The following SLC44A1 variants were observed in gnomAD, a reference collection of about 807,000 sequenced individuals.
SLC44A1 encodes the protein solute carrier family 44 member 1.
In SLC44A1, 26 loss-of-function variants were observed where a neutral mutation model predicts 79.3. The ratio of observed to expected loss-of-function variants is 0.33; its 90% CI spans 0.24 to 0.46. The LOEUF (loss-of-function observed/expected upper bound fraction) is 0.46, where lower values mean the gene tolerates loss of function less well. SLC44A1 is among the 20% of genes least tolerant of loss of function. The probability of loss-of-function intolerance (pLI) is 1.00; values close to 1 mark genes in which losing one functional copy is unlikely to be tolerated. For missense variants in SLC44A1, 688 were observed against 798.1 expected (o/e 0.86, Z 1.66); for synonymous variants, 263 against 286.2 (o/e 0.92, Z 0.82).
intron 4 of SLC44A1, among the ~76,000 whole-genome samples, chr9:105,342,336 A>C (rs941492778): frequency 1.3e-5 from 2 of 152,180 alleles, no homozygotes; most frequent in African/African-American, 4.8e-5. Context: ...CACACTGTGT[A>C]TGCTACCCAC....
intron 3 of SLC44A1, among the ~76,000 whole-genome samples, chr9:105,325,008 C>G (rs1826526445): frequency 6.6e-6 from 1 of 152,106 alleles, no homozygotes; most frequent in Non-Finnish European, 1.5e-5. Flanking sequence ...TCGTATCTAC[C>G]CAAGAGAACT....
chr9:105,387,967 C>A (rs1828674343), intron 15 of SLC44A1, among the ~76,000 whole-genome samples: 1 of 152,188 alleles, frequency 6.6e-6, no homozygotes, highest in African/African-American at 2.4e-5. Flanking sequence ...TCAAACAATG[C>A]ATTAAAATCT....
rs771920052 is a variant in SLC44A1, at chr9:105,286,788, A to AC, written c.37-12428dup. ...GACCAGCCTGGGCAACATAAACGAGACCCCATCTCTACAAAAAATAACAAT... is the reference window on the plus strand; with the variant it reads ...GACCAGCCTGGGCAACATAAACGAGACCCCCATCTCTACAAAAAATAACAAT... On this transcript the variant is annotated intron_variant, in intron 1 of 15. Transcript: ENST00000374720. Among the ~76,000 whole-genome samples, 10 of 152,108 alleles carry AC rather than the reference A, an allele frequency of 6.6e-5. No homozygotes were observed. The East Asian group carries it at 1.4e-3, about 21-fold the overall frequency.
intron 1 of SLC44A1, among the ~76,000 whole-genome samples, chr9:105,268,613 G>A (rs1350346118): frequency 6.6e-6 from 1 of 151,894 alleles, no homozygotes; most frequent in Non-Finnish European, 1.5e-5. Flanking sequence ...AAGCAATTCT[G>A]CCTCAGCCTC....
chr9:105,285,205 T>C (rs534749935), intron 1 of SLC44A1, among the ~76,000 whole-genome samples: 9 of 152,332 alleles, frequency 5.9e-5, no homozygotes, highest in Non-Finnish European at 8.8e-5. Flanking sequence ...AGTAGCACTT[T>C]AAGTATTATT....
chr9:105,342,763 G>A (rs1242355095), intron 4 of SLC44A1, among the ~76,000 whole-genome samples: 2 of 152,166 alleles, frequency 1.3e-5, no homozygotes, highest in African/African-American at 4.8e-5. Flanking sequence ...GGTAGCTATT[G>A]TATGCCATGG....
In SLC44A1 at chr9:105,390,340, A is replaced by T. The variant is rs975176353; in HGVS notation, c.*1284A>T. The T allele has an allele frequency of 1.0e-6, 1 of 964,062 alleles. No homozygotes were observed. The highest frequency in any genetic ancestry group is 1.9e-5 in the African/African-American group (1 of 52,282). 59.7% of individuals were successfully genotyped at this position (964,062 alleles called of 1,614,324 possible). A position where few individuals can be genotyped will look rare whatever the true frequency, so the allele number is the denominator to read the frequency against. ...TATGCGATAACTCCTTTTTGTTACA[A>T]TTTTTTTAAAAAAAGCTATTTTTGT... On this transcript the variant is annotated 3_prime_UTR_variant, in exon 16 of 16. Transcript: ENST00000374720.
Position 105,244,900 on chromosome 9 carries a change from C to T in SLC44A1, c.32C>T (p.Ala11Val). MGCCSSASSAAQSSKREWKPL... is the reference protein window; with the variant it reads MGCCSSASSAVQSSKREWKPL... The stretch of plus-strand genomic sequence containing the variant: ...TGCTGCAGCTCCGCCTCCTCCGCCG[C>T]GCAGGTGAGGGGCTCCCGCCTCCCG... The change falls in exon 1 of 16, where the codon GCG (alanine) becomes GTG (valine). Residue 11 changes from alanine to valine, a missense_variant. Transcript: ENST00000374720. 1 of 1,182,722 alleles carries T rather than the reference C, an allele frequency of 8.5e-7. No homozygotes were observed. Among genetic ancestry groups the T allele is most frequent in the East Asian group, 3.7e-5 (1 of 27,006 alleles). 73.3% of individuals were successfully genotyped at this position (1,182,722 alleles called of 1,614,324 possible).
chr9:105,331,058 C>T (rs554894311), intron 3 of SLC44A1, among the ~76,000 whole-genome samples: 3 of 152,246 alleles, frequency 2.0e-5, no homozygotes, highest in East Asian at 1.9e-4. Context: ...TGCTTCTTGT[C>T]TTTCATTCTC....
chr9:105,259,356 T>C (rs1461552267), intron 1 of SLC44A1, among the ~76,000 whole-genome samples: 2 of 152,186 alleles, frequency 1.3e-5, no homozygotes, highest in Non-Finnish European at 2.9e-5. Flanking sequence ...GTTAATATAA[T>C]TGATGCTTGT....
chr9:105,412,895 G>A (rs957969333), intron 15 of SLC44A1, among the ~76,000 whole-genome samples: 24 of 152,010 alleles, frequency 1.6e-4, no homozygotes, highest in Admixed American at 1.4e-3. Context: ...GAGTCACCAC[G>A]CCCTGCCTAC....
chr9:105,351,532 GAAAGAAAGAAAGAAAGAAAGAA>G (rs1827406594), intron 5 of SLC44A1, among the ~76,000 whole-genome samples: 27 of 115,046 alleles, frequency 2.3e-4, no homozygotes, highest in South Asian at 2.7e-4. Context: ...GACCCTGTCT[GAAAGAAAGAAAGAAAGAAAGAA>G]AGAGAGAAAG....
intron 1 of SLC44A1, among the ~76,000 whole-genome samples, chr9:105,256,443 T>C (rs1290652171): frequency 6.6e-6 from 1 of 152,170 alleles, no homozygotes; most frequent in South Asian, 2.1e-4. Context: ...CCAAAGTAAG[T>C]CCAGAAGTAG....
intron 15 of SLC44A1, among the ~76,000 whole-genome samples, chr9:105,423,099 T>C (rs1320859404): frequency 6.6e-6 from 1 of 152,148 alleles, no homozygotes; most frequent in Non-Finnish European, 1.5e-5. Flanking sequence ...ATGTTAACAG[T>C]GTGAGGAAAC....
At chr9:105,272,947 C>T (rs886565079) in intron 1 of SLC44A1, among the ~76,000 whole-genome samples, 1 of 149,898 alleles carries the variant, frequency 6.7e-6, no homozygotes, top group Non-Finnish European at 1.5e-5. Context: ...AATTTCAGTA[C>T]GTTTAATTTT....
At position 105,385,550 on chromosome 9, in the gene SLC44A1, C is replaced by T. The variant is rs1012637307; in HGVS notation, c.1950+48C>T. 4.5e-6 allele frequency: 7 copies of T among 1,551,032 alleles called. 1 individual carries two copies. The highest frequency in any genetic ancestry group is 1.2e-5 in the South Asian group (1 of 84,022). Reference sequence around the variant, plus strand: ...CCGCCCTCCAAGAATTTCACTTTCACTTCCTCTCTCTCTCTGTCTTCACTG... The same window carrying T: ...CCGCCCTCCAAGAATTTCACTTTCATTTCCTCTCTCTCTCTGTCTTCACTG... On this transcript the variant is annotated intron_variant, in intron 15 of 15. Coordinates refer to ENST00000374720, the MANE Select transcript of SLC44A1 (RefSeq NM_080546.5).
chr9:105,331,719 T>C (rs1003473522), intron 3 of SLC44A1, among the ~76,000 whole-genome samples: 1 of 152,218 alleles, frequency 6.6e-6, no homozygotes, highest in South Asian at 2.1e-4. Flanking sequence ...AAACAGAATA[T>C]TCAAAGTTAA....
intron 2 of SLC44A1, among the ~76,000 whole-genome samples, chr9:105,306,044 C>G (rs557037292): frequency 6.6e-6 from 1 of 152,266 alleles, no homozygotes; most frequent in Non-Finnish European, 1.5e-5. Context: ...ATGCCTTCAT[C>G]TGATTTAAGT....
chr9:105,332,283 C>A (rs1413718617), intron 3 of SLC44A1, among the ~76,000 whole-genome samples: 2 of 151,992 alleles, frequency 1.3e-5, no homozygotes, highest in East Asian at 3.9e-4. Context: ...CCACACTCAG[C>A]TAATTTTTGT....
Sources: gnomAD v4.1 joint callset for allele counts (sites outside exome capture counted in the v4.1 genomes callset) on GRCh38, gnomAD v4.1.1 for gene constraint, MANE v1.5 for transcripts, NCBI Gene and HGNC (gene_info 2026-07-23, HGNC 2026-07-21) for gene names.